The following PLA2G4E variants were observed in gnomAD, a reference collection of about 807,000 sequenced individuals.
PLA2G4E encodes the protein phospholipase A2 group IVE.
A neutral mutation model predicts 109.1 loss-of-function variants in PLA2G4E; 84 were observed. That is an observed-to-expected ratio of 0.77 (90% CI 0.65 to 0.92). The LOEUF (loss-of-function observed/expected upper bound fraction) is 0.92, where lower values mean the gene tolerates loss of function less well. Among genes scored for constraint, PLA2G4E ranks in the 40% least tolerant of loss-of-function variants. PLA2G4E has a pLI of 0.00. For synonymous variants in PLA2G4E, 469 were observed against 436.1 expected, an observed-to-expected ratio of 1.08 and a Z score of -0.94; for missense variants, 1,057 against 1,076.6, an observed-to-expected ratio of 0.98 and a Z score of 0.25.
At chr15:42,047,595 G>T (rs1229624259) in intron 1 of PLA2G4E, among the ~76,000 whole-genome samples, 2 of 152,126 alleles carry the variant, frequency 1.3e-5, no homozygotes, top group Non-Finnish European at 2.9e-5. Context: ...AGACCATAGC[G>T]GTGGGTCCTT....
chr15:42,040,299 G>A (rs1034599928), intron 1 of PLA2G4E, among the ~76,000 whole-genome samples: 2 of 152,084 alleles, frequency 1.3e-5, no homozygotes, highest in Non-Finnish European at 2.9e-5. Flanking sequence ...ATGTACAAAT[G>A]ACAACATTGC....
chr15:42,021,955 G>A (rs953797248), intron 1 of PLA2G4E, among the ~76,000 whole-genome samples: 3 of 152,188 alleles, frequency 2.0e-5, no homozygotes, highest in Admixed American at 6.5e-5. Context: ...AACTCTTCAC[G>A]TGCCTGGCCT....
At chr15:41,988,937 G>A (rs2068194301) in intron 15 of PLA2G4E, among the ~76,000 whole-genome samples, 1 of 152,194 alleles carries the variant, frequency 6.6e-6, no homozygotes, top group South Asian at 2.1e-4. Flanking sequence ...TTCTGAAGAA[G>A]CCCTTTGACG....
chr15:42,007,494 G>A (rs1231459358), intron 3 of PLA2G4E, among the ~76,000 whole-genome samples: 7 of 152,020 alleles, frequency 4.6e-5, no homozygotes, highest in Admixed American at 3.9e-4. Context: ...GCAACAATTA[G>A]GACAAGAGAG....
chr15:42,001,245 A>G (rs1046305028), intron 6 of PLA2G4E, 25 bp from the exon 7 acceptor site: 1 of 1,593,732 alleles, frequency 6.3e-7, no homozygotes, highest in East Asian at 2.2e-5. Context: ...GGAGGGTCAC[A>G]GAGTGTCTGA....
chr15:42,039,158 C>T (rs1889271337), intron 1 of PLA2G4E, among the ~76,000 whole-genome samples: 1 of 152,196 alleles, frequency 6.6e-6, no homozygotes, highest in Non-Finnish European at 1.5e-5. Context: ...GCACCATCAA[C>T]ACTTATGAAT....
intron 1 of PLA2G4E, among the ~76,000 whole-genome samples, chr15:42,045,735 C>T (rs530065518): frequency 2.0e-5 from 3 of 152,296 alleles, no homozygotes; most frequent in Admixed American, 6.5e-5. Context: ...TCTTCCCCTT[C>T]GCTTCTGTCT....
chr15:41,985,909 G>A, exon 18 of PLA2G4E: 1 of 1,609,636 alleles, frequency 6.2e-7, no homozygotes, highest in South Asian at 1.1e-5. Context: ...CCTGAGGAGG[G>A]GCGGGTAGCT....
chr15:41,992,683 A>G (rs2068270564), intron 13 of PLA2G4E, 54 bp downstream of exon 13: 1 of 1,538,210 alleles, frequency 6.5e-7, no homozygotes, highest in African/African-American at 1.4e-5. Context: ...AGGAAGAAAG[A>G]GAGCCAGGCA....
chr15:42,029,533 A>G (rs958649104), intron 1 of PLA2G4E, among the ~76,000 whole-genome samples: 11 of 152,234 alleles, frequency 7.2e-5, no homozygotes, highest in African/African-American at 2.7e-4. Flanking sequence ...GTGAGGTGCC[A>G]AAAGCCTTCT....
intron 12 of PLA2G4E, among the ~76,000 whole-genome samples, chr15:41,994,460 T>C (rs920209396): frequency 2.6e-5 from 4 of 152,244 alleles, no homozygotes; most frequent in African/African-American, 9.6e-5. Flanking sequence ...ACGGCCCTGC[T>C]TGATAGGCCA....
Position 42,001,218 on chromosome 15 carries a change from AGACT to A in PLA2G4E, c.610-2_611del. 2 of 1,613,022 alleles carry A rather than the reference AGACT, an allele frequency of 1.2e-6. No homozygotes were observed. The highest frequency in any genetic ancestry group is 1.7e-6 in the Non-Finnish European group (2 of 1,179,046). Reference sequence around the variant, plus strand: ...GAACCTCCAGGCAGGAGACTTGTCGAGACTGTAAAAAACAAAGGAGGGTCACAGA... The same window carrying A: ...GAACCTCCAGGCAGGAGACTTGTCGAGTAAAAAACAAAGGAGGGTCACAGA... On this transcript the variant is annotated splice_acceptor_variant and coding_sequence_variant, in exon 7 of 20. Coordinates refer to ENST00000399518, the Ensembl canonical transcript of PLA2G4E. LOFTEE classifies it high-confidence loss of function.
At chr15:42,048,409 GT>G (rs1889451531) in intron 1 of PLA2G4E, among the ~76,000 whole-genome samples, 1 of 152,194 alleles carries the variant, frequency 6.6e-6, no homozygotes, top group African/African-American at 2.4e-5. Context: ...GGCCCTTTAT[GT>G]TTTCCAAACA....
At chr15:42,036,196 G>A (rs1052057335) in intron 1 of PLA2G4E, among the ~76,000 whole-genome samples, 5 of 152,196 alleles carry the variant, frequency 3.3e-5, no homozygotes, top group Non-Finnish European at 7.4e-5. Flanking sequence ...GGGAGGGTGC[G>A]GGGAGGAGGC....
rs569244923 is a variant in PLA2G4E, at chr15:42,029,996, T to C, written c.184-16239A>G. ...TAAGCTGCTCAGAGAGCTTGGCCAC[T>C]CAGGGCTGGGGAGATCAGAAGAGGG... On this transcript the variant is annotated intron_variant, in intron 1 of 19. Transcript: ENST00000399518. Among the ~76,000 whole-genome samples the C allele has an allele frequency of 2.6e-5, 4 of 152,224 alleles. No homozygotes were observed. In the South Asian group the frequency reaches 8.3e-4, roughly 32 times the overall value.
exon 15 of PLA2G4E, chr15:41,989,535 G>A: frequency 6.2e-7 from 1 of 1,613,682 alleles, no homozygotes; most frequent in Non-Finnish European, 8.5e-7. Flanking sequence ...ACCTCGTAGG[G>A]GGAGAACTCG....
intron 17 of PLA2G4E, 74 bp downstream of exon 17, chr15:41,987,098 C>T: frequency 6.9e-7 from 1 of 1,458,936 alleles, no homozygotes; most frequent in East Asian, 2.3e-5. Flanking sequence ...ATTCTTTATC[C>T]ATGGCAGCCT....
chr15:42,035,502 G>A (rs564831458), intron 1 of PLA2G4E, among the ~76,000 whole-genome samples: 2 of 152,350 alleles, frequency 1.3e-5, no homozygotes, highest in African/African-American at 2.4e-5. Flanking sequence ...CTTTCCCAGC[G>A]AGTAAGGCTC....
chr15:41,997,054 G>A, intron 11 of PLA2G4E, 70 bp downstream of exon 11: 1 of 1,457,754 alleles, frequency 6.9e-7, no homozygotes, highest in East Asian at 2.6e-5. Context: ...GCAGGGCCTG[G>A]GTTGGCTGGG....
Sources: allele counts gnomAD v4.1 joint callset (sites outside exome capture counted in the v4.1 genomes callset), GRCh38; gene constraint gnomAD v4.1.1; transcripts MANE v1.5; gene names NCBI Gene and HGNC (gene_info 2026-07-23, HGNC 2026-07-21).